Variants in ZC3H15 observed in about 807,000 individuals in gnomAD.
The protein encoded by ZC3H15 is zinc finger CCCH domain-containing protein 15.
A neutral mutation model predicts 51.2 loss-of-function variants in ZC3H15; 15 were observed. The observed-to-expected ratio is 0.29, with a 90% CI of 0.20 to 0.45. The LOEUF (loss-of-function observed/expected upper bound fraction) is 0.45. Ranked by LOEUF, ZC3H15 falls within the 20% of genes least tolerant of loss-of-function variation. The pLI, the probability that ZC3H15 is intolerant of heterozygous loss-of-function variation, is 1.00. For synonymous variants in ZC3H15, 144 were observed against 162.8 expected (o/e 0.88, Z 0.88); for missense variants, 381 against 494.7 (o/e 0.77, Z 2.18).
chr2:186,502,486 C>G lies in ZC3H15; in HGVS notation c.443-10C>G. 1.9e-6 allele frequency: 3 copies of G among 1,600,818 alleles called. No individual in the cohort carries two copies. Among genetic ancestry groups the G allele is most frequent in the Non-Finnish European group, 2.6e-6 (3 of 1,171,288 alleles). On this transcript the variant is annotated splice_polypyrimidine_tract_variant and intron_variant, in intron 4 of 9. Transcript: ENST00000337859. ...AGATTACAGTATTTAATCTTCATTTCTTTATTTAGATACTATGGATAATTG... is the reference window on the plus strand; with the variant it reads ...AGATTACAGTATTTAATCTTCATTTGTTTATTTAGATACTATGGATAATTG...
At chr2:186,487,418 G>A (rs2105583161) in intron 1 of ZC3H15, 1 of 152,236 alleles carries the variant, frequency 6.6e-6, no homozygotes, top group South Asian at 2.1e-4. Context: ...AGGACCTCTT[G>A]TACTTTGGAT....
rs1685452235 is a variant in ZC3H15, at chr2:186,505,481, A to G, written c.748A>G (p.Ile250Val). ...RSALGPNVTK[I>V]TLESFLAWKK... ...TGCCCTAGGTCCAAATGTTACCAAA[A>G]TCACTCTAGAATCTTTTCTTGCCTG... Residue 250 changes from isoleucine to valine, a missense_variant, in exon 7 of 10, where the codon ATC becomes GTC. By Grantham distance (29) the Ile-to-Val change is conservative. This residue lies in a region of ZC3H15 where 215 missense variants were observed against 241.8 expected (regional missense o/e 0.89). Coordinates refer to ENST00000337859, the MANE Select transcript of ZC3H15 (RefSeq NM_018471.3). The G allele has an allele frequency of 1.9e-6, 3 of 1,576,488 alleles. No individual in the cohort carries two copies. Among genetic ancestry groups the G allele is most frequent in the Non-Finnish European group, 2.6e-6 (3 of 1,167,208 alleles).
intron 2 of ZC3H15, among the ~76,000 whole-genome samples, chr2:186,498,957 T>G (rs1462522043): frequency 1.3e-5 from 2 of 152,188 alleles, no homozygotes; most frequent in Non-Finnish European, 2.9e-5. Flanking sequence ...CCCAGATGCT[T>G]TGTAAGCATC....
intron 1 of ZC3H15, among the ~76,000 whole-genome samples, chr2:186,493,967 A>G (rs1341499946): frequency 2.0e-5 from 3 of 150,424 alleles, no homozygotes; most frequent in Non-Finnish European, 4.4e-5. Context: ...ATTTTGGGGG[A>G]CATTCCAAAA....
chr2:186,506,344 G>C (rs1685467050), intron 8 of ZC3H15, among the ~76,000 whole-genome samples: 1 of 152,072 alleles, frequency 6.6e-6, no homozygotes, highest in East Asian at 1.9e-4. Flanking sequence ...TGGGTTGAAA[G>C]AAAAAAATTG....
chr2:186,494,092 C>T (rs915699721), intron 1 of ZC3H15, among the ~76,000 whole-genome samples: 2 of 151,226 alleles, frequency 1.3e-5, no homozygotes, highest in Admixed American at 6.6e-5. Flanking sequence ...TTTTCTCCCC[C>T]CAACCCCATA....
chr2:186,491,045 C>T (rs992906035), intron 1 of ZC3H15, among the ~76,000 whole-genome samples: 7 of 152,156 alleles, frequency 4.6e-5, no homozygotes, highest in African/African-American at 1.4e-4. Flanking sequence ...CTGTCCTAAA[C>T]TCAGGAAGAA....
chr2:186,501,959 G>T (rs566667525), intron 4 of ZC3H15, among the ~76,000 whole-genome samples: 4 of 152,040 alleles, frequency 2.6e-5, no homozygotes, highest in East Asian at 3.9e-4. Flanking sequence ...ATCTGCCCAC[G>T]CTGGCCTCTC....
chr2:186,489,820 G>T (rs1685165147), intron 1 of ZC3H15, among the ~76,000 whole-genome samples: 1 of 152,184 alleles, frequency 6.6e-6, no homozygotes, highest in African/African-American at 2.4e-5. Flanking sequence ...TGAGTCCCAT[G>T]TTTCAAATTA....
chr2:186,491,669 T>G (rs1181025751), intron 1 of ZC3H15, among the ~76,000 whole-genome samples: 1 of 152,202 alleles, frequency 6.6e-6, no homozygotes, highest in Non-Finnish European at 1.5e-5. Flanking sequence ...AGTTTATGCT[T>G]CTAAATGCTT....
intron 1 of ZC3H15, chr2:186,488,637 C>A (rs1395065828): frequency 6.6e-6 from 1 of 152,204 alleles, no homozygotes; most frequent in South Asian, 2.1e-4. Context: ...ACTTAGGATT[C>A]CAAAATGGGT....
chr2:186,489,540 T>C (rs530781927), intron 1 of ZC3H15, among the ~76,000 whole-genome samples: 1 of 152,334 alleles, frequency 6.6e-6, no homozygotes, highest in South Asian at 2.1e-4. Flanking sequence ...TGGGAGGTTT[T>C]ATAGCTGTAT....
At chr2:186,494,563 C>T (rs375700043) in intron 1 of ZC3H15, among the ~76,000 whole-genome samples, 3 of 152,152 alleles carry the variant, frequency 2.0e-5, no homozygotes, top group Non-Finnish European at 4.4e-5. Context: ...AATTAAGAAT[C>T]CTTTTAATCA....
At chr2:186,503,964 T>G in intron 5 of ZC3H15, 68 bp from the exon 6 acceptor site, 1 of 1,308,620 alleles carries the variant, frequency 7.6e-7, no homozygotes, top group Non-Finnish European at 1.0e-6. Context: ...TTGTTCCATA[T>G]ACTCAGGCAT....
intron 5 of ZC3H15, among the ~76,000 whole-genome samples, chr2:186,502,829 T>G (rs1162056154): frequency 6.6e-6 from 1 of 152,204 alleles, no homozygotes; most frequent in East Asian, 1.9e-4. Context: ...AATGCCATTT[T>G]CTGAGGTGAA....
In ZC3H15 at chr2:186,508,878, G is replaced by C. The variant is rs192536764; in HGVS notation, c.*145G>C. ...TAACCTCCTGCAAAAAAGGCATCTTGTCCCTACATCTTCTCTTCTGACTTT... is the reference window on the plus strand; with the variant it reads ...TAACCTCCTGCAAAAAAGGCATCTTCTCCCTACATCTTCTCTTCTGACTTT... On this transcript the variant is annotated 3_prime_UTR_variant, in exon 10 of 10. Transcript: ENST00000337859. The C allele has an allele frequency of 3.8e-6, 3 of 796,438 alleles. No individual in the cohort carries two copies. Among genetic ancestry groups the C allele is most frequent in the African/African-American group, 3.5e-5 (2 of 57,692 alleles). 49.3% of individuals were successfully genotyped at this position (796,438 alleles called of 1,614,324 possible). A position where few individuals can be genotyped will look rare whatever the true frequency, so the allele number is the denominator to read the frequency against.
At chr2:186,498,294 A>G (rs1013299079) in intron 2 of ZC3H15, among the ~76,000 whole-genome samples, 2 of 152,216 alleles carry the variant, frequency 1.3e-5, no homozygotes, top group East Asian at 1.9e-4. Context: ...TGTTGCTGCC[A>G]TGCTTCAGTG....
chr2:186,487,522 C>T (rs1253016194), intron 1 of ZC3H15, among the ~76,000 whole-genome samples: 1 of 152,148 alleles, frequency 6.6e-6, no homozygotes, highest in Non-Finnish European at 1.5e-5. Context: ...CTATACTTGG[C>T]CAGGTTCCAA....
At chr2:186,507,183 G>A (rs1685483093) in intron 9 of ZC3H15, among the ~76,000 whole-genome samples, 1 of 152,014 alleles carries the variant, frequency 6.6e-6, no homozygotes, top group African/African-American at 2.4e-5. Context: ...AGTGTTATGG[G>A]GTAAGTAAAA....
Sources: gnomAD v4.1 joint callset for allele counts (sites outside exome capture counted in the v4.1 genomes callset) on GRCh38, gnomAD v4.1.1 for gene constraint, gnomAD v4.1.1 regional missense constraint, MANE v1.5 for transcripts, NCBI Gene and HGNC (gene_info 2026-07-23, HGNC 2026-07-21) for gene names.